PTPRG: variants seen among roughly 807,000 people sequenced by gnomAD.
PTPRG encodes protein tyrosine phosphatase receptor type G, also known as receptor-type tyrosine-protein phosphatase gamma.
In PTPRG, 102 loss-of-function variants were observed where a neutral mutation model predicts 165.3. The observed-to-expected ratio is 0.62, with a 90% CI of 0.53 to 0.73. The LOEUF is 0.73. Ranked by LOEUF, PTPRG falls within the 30% of genes least tolerant of loss-of-function variation. The pLI, the probability that PTPRG is intolerant of heterozygous loss-of-function variation, is 0.00. For missense variants in PTPRG, 1,866 were observed against 1,861.4 expected (o/e 1.00, Z -0.05); for synonymous variants, 675 against 669.5 (o/e 1.01, Z -0.13).
intron 5 of PTPRG, among the ~76,000 whole-genome samples, chr3:62,080,452 C>T (rs1701533266): frequency 6.6e-6 from 1 of 152,000 alleles, no homozygotes; most frequent in Admixed American, 6.6e-5. Context: ...AAACAGTTCC[C>T]ACATGCCTGG....
chr3:61,960,179 C>T (rs2040119354), intron 2 of PTPRG, among the ~76,000 whole-genome samples: 1 of 151,900 alleles, frequency 6.6e-6, no homozygotes, highest in South Asian at 2.1e-4. Flanking sequence ...CTTTCTCCCC[C>T]ACTGGAATGC....
At chr3:61,631,003 C>T (rs1209315242) in intron 1 of PTPRG, among the ~76,000 whole-genome samples, 2 of 151,820 alleles carry the variant, frequency 1.3e-5, no homozygotes, top group African/African-American at 4.8e-5. Flanking sequence ...TTACAGTGAG[C>T]CAAGATTGTG....
chr3:61,999,632 A>T (rs578069061), intron 3 of PTPRG, among the ~76,000 whole-genome samples: 1 of 152,236 alleles, frequency 6.6e-6, no homozygotes, highest in East Asian at 1.9e-4. Flanking sequence ...TTATTTTTGT[A>T]GTACCGTTTT....
At chr3:62,010,150 C>T (rs1474238631) in intron 4 of PTPRG, among the ~76,000 whole-genome samples, 1 of 152,130 alleles carries the variant, frequency 6.6e-6, no homozygotes, top group East Asian at 1.9e-4. Context: ...AACTCCTGAT[C>T]TCAAGCAGTC....
intron 1 of PTPRG, among the ~76,000 whole-genome samples, chr3:61,733,171 G>A (rs957086279): frequency 6.6e-6 from 1 of 152,152 alleles, no homozygotes; most frequent in Non-Finnish European, 1.5e-5. Flanking sequence ...AGAAACCCAG[G>A]TCAAAGGTCA....
intron 4 of PTPRG, among the ~76,000 whole-genome samples, chr3:62,012,226 C>T (rs1289492195): frequency 6.6e-6 from 1 of 152,206 alleles, no homozygotes; most frequent in Non-Finnish European, 1.5e-5. Flanking sequence ...TGAGCTTCTG[C>T]AGGCTTGGCT....
At chr3:61,764,671 C>T (rs1022690322) in intron 2 of PTPRG, among the ~76,000 whole-genome samples, 3 of 152,022 alleles carry the variant, frequency 2.0e-5, no homozygotes, top group Admixed American at 6.6e-5. Flanking sequence ...TAGAGGGAAG[C>T]GGGGGAGATA....
At chr3:62,043,723 T>G (rs973573757) in intron 4 of PTPRG, among the ~76,000 whole-genome samples, 1 of 152,188 alleles carries the variant, frequency 6.6e-6, no homozygotes, top group Non-Finnish European at 1.5e-5. Flanking sequence ...TGTTTTTACT[T>G]CTGCCAGGTT....
chr3:62,101,957 G>GT (rs1702302202), intron 5 of PTPRG, among the ~76,000 whole-genome samples: 1 of 152,120 alleles, frequency 6.6e-6, no homozygotes, highest in South Asian at 2.1e-4. Flanking sequence ...CAAAGAAAAA[G>GT]TATCTCTTTC....
At chr3:61,907,391 A>G (rs2038683205) in intron 2 of PTPRG, among the ~76,000 whole-genome samples, 1 of 152,202 alleles carries the variant, frequency 6.6e-6, no homozygotes, top group Admixed American at 6.6e-5. Flanking sequence ...TCTTCCCAGC[A>G]GAGCCCAGAT....
chr3:61,984,909 A>G (rs567594567), intron 2 of PTPRG, among the ~76,000 whole-genome samples: 9 of 152,258 alleles, frequency 5.9e-5, no homozygotes, highest in Admixed American at 1.3e-4. Flanking sequence ...ATGTTCCCCA[A>G]TTTGGGTTTG....
At chr3:61,761,373 T>A (rs2033828989) in intron 2 of PTPRG, among the ~76,000 whole-genome samples, 1 of 152,076 alleles carries the variant, frequency 6.6e-6, no homozygotes, top group South Asian at 2.1e-4. Context: ...AGTCAGGAGT[T>A]CAAAACAAGC....
chr3:62,229,883 A>G lies in PTPRG; in HGVS notation c.2289-1342A>G, dbSNP rs1023861505. On this transcript the variant is annotated intron_variant, in intron 13 of 29. Coordinates refer to ENST00000474889, the MANE Select transcript of PTPRG (RefSeq NM_002841.4). This position sits in a 1 kb window ranked among gnomAD's most constrained non-coding sequence, Gnocchi z 4.6. ...CCGGCTCTGCTCCAAAATTCCTGAAAGAGTGAATCTGGCAGAATTCAGAGT... is the reference window on the plus strand; with the variant it reads ...CCGGCTCTGCTCCAAAATTCCTGAAGGAGTGAATCTGGCAGAATTCAGAGT... Among the ~76,000 whole-genome samples the G allele has an allele frequency of 6.6e-6, 1 of 152,248 alleles. No homozygotes were observed. The highest frequency in any genetic ancestry group is 2.4e-5 in the African/African-American group (1 of 41,470).
At chr3:62,149,781 T>A (rs114664256) in intron 6 of PTPRG, among the ~76,000 whole-genome samples, 1,558 of 152,252 alleles carry the variant, frequency 0.01, 23 homozygotes, top group African/African-American at 0.035. Context: ...TGACTCCATG[T>A]CTAGTGTTTT....
chr3:62,057,885 T>C lies in PTPRG; in HGVS notation c.520-20278T>C, dbSNP rs1412751739. ...ACAAAAACAGGGTATTTCCGTGAAG[T>C]GCAAATAGATGATTGTATGGAGGAA... On this transcript the variant is annotated intron_variant, in intron 4 of 29. Coordinates refer to ENST00000474889, the MANE Select transcript of PTPRG (RefSeq NM_002841.4). 2.6e-5 allele frequency among the ~76,000 whole-genome samples: 4 copies of C among 152,158 alleles called. No homozygotes were observed. In the East Asian group the frequency reaches 7.7e-4, roughly 29 times the overall value.
At chr3:61,591,850 T>C (rs1700577865) in intron 1 of PTPRG, among the ~76,000 whole-genome samples, 1 of 152,196 alleles carries the variant, frequency 6.6e-6, no homozygotes, top group African/African-American at 2.4e-5. Flanking sequence ...CATAACTAGC[T>C]AAGTTACTCA....
rs550020348 is a variant in PTPRG at position 61,838,685 on chromosome 3, T to C, written c.190+89703T>C. On this transcript the variant is annotated intron_variant, in intron 2 of 29. Transcript: ENST00000474889. ...AATAGTTGACTAAGTTTTATTTCAATAACACTGTAATGTTCCATATCAAAT... is the reference window on the plus strand; with the variant it reads ...AATAGTTGACTAAGTTTTATTTCAACAACACTGTAATGTTCCATATCAAAT... Among the ~76,000 whole-genome samples the C allele has an allele frequency of 6.6e-5, 10 of 152,338 alleles. No individual in the cohort carries two copies. The South Asian group carries it at 1.4e-3, about 22-fold the overall frequency.
At chr3:62,040,611 G>T (rs1342894672) in intron 4 of PTPRG, among the ~76,000 whole-genome samples, 2 of 152,038 alleles carry the variant, frequency 1.3e-5, no homozygotes, top group African/African-American at 4.8e-5. Context: ...GCGCCACCAC[G>T]CCCAGCTAAT....
intron 2 of PTPRG, among the ~76,000 whole-genome samples, chr3:61,925,132 C>A (rs1380657843): frequency 6.6e-6 from 1 of 152,226 alleles, no homozygotes; most frequent in Non-Finnish European, 1.5e-5. Context: ...CTCAAGGTGA[C>A]TTAAGACAGA....
Sources: allele counts gnomAD v4.1 joint callset (sites outside exome capture counted in the v4.1 genomes callset), GRCh38; gene constraint gnomAD v4.1.1; non-coding constraint Gnocchi (gnomAD v3.1); transcripts MANE v1.5; gene names NCBI Gene and HGNC (gene_info 2026-07-23, HGNC 2026-07-21).